Variants in GLRA2 observed in about 807,000 individuals in gnomAD.
GLRA2 encodes the protein glycine receptor subunit alpha-2.
In GLRA2, 11 loss-of-function variants were observed where a neutral mutation model predicts 31.6. The ratio of observed to expected loss-of-function variants is 0.35; its 90% CI spans 0.22 to 0.58. GLRA2 has a LOEUF of 0.58. Ranked by LOEUF, GLRA2 falls within the 20% of genes least tolerant of loss-of-function variation. GLRA2 has a pLI of 0.84. For missense variants in GLRA2, 212 were observed against 351.8 expected, an observed-to-expected ratio of 0.60 and a Z score of 3.18; for synonymous variants, 132 against 134.0, an observed-to-expected ratio of 0.99 and a Z score of 0.10.
intron 7 of GLRA2, among the ~76,000 whole-genome samples, chrX:14,651,431 G>A (rs2090888998): frequency 9.0e-6 from 1 of 111,244 alleles, no homozygotes; most frequent in African/African-American, 3.3e-5. Context: ...CACACAATGA[G>A]CTTTTTGGTC....
the GLRA2 span, among the ~76,000 whole-genome samples, chrX:14,480,933 T>C: frequency 9.0e-6 from 1 of 111,332 alleles, no homozygotes; most frequent in Non-Finnish European, 1.9e-5. Flanking sequence ...GGTAGTTTGA[T>C]AGTAATGTCT....
intron 7 of GLRA2, among the ~76,000 whole-genome samples, chrX:14,643,465 C>T (rs1465662969): frequency 3.6e-5 from 4 of 111,275 alleles, no homozygotes; most frequent in Admixed American, 9.5e-5. Flanking sequence ...GAGAAATACC[C>T]GGGGTTAGTT....
chrX:14,457,624 A>G, the GLRA2 span, among the ~76,000 whole-genome samples: 1 of 111,790 alleles, frequency 8.9e-6, no homozygotes, highest in Non-Finnish European at 1.9e-5. Flanking sequence ...GTTGGTTCCA[A>G]GTATTTGCTA....
chrX:14,611,276 C>A (rs762347790), intron 7 of GLRA2, among the ~76,000 whole-genome samples: 1 of 112,949 alleles, frequency 8.9e-6, no homozygotes, highest in South Asian at 3.6e-4. Flanking sequence ...TCAGGGCCTC[C>A]TACAATGCCC....
At chrX:14,678,769 C>T (rs974625320) in intron 7 of GLRA2, among the ~76,000 whole-genome samples, 1 of 111,510 alleles carries the variant, frequency 9.0e-6, no homozygotes, top group African/African-American at 3.3e-5. Flanking sequence ...TTATCCACTC[C>T]TATAGCTTTC....
At chrX:14,474,353 G>T in the GLRA2 span, among the ~76,000 whole-genome samples, 1 of 111,650 alleles carries the variant, frequency 9.0e-6, no homozygotes, top group Non-Finnish European at 1.9e-5. Flanking sequence ...GCCTCCAGCT[G>T]CTTTGTGTAA....
intron 7 of GLRA2, among the ~76,000 whole-genome samples, chrX:14,625,487 G>A (rs1430494619): frequency 1.8e-5 from 2 of 111,461 alleles, no homozygotes; most frequent in African/African-American, 6.5e-5. Flanking sequence ...GGCTGGTACT[G>A]GTTGTTCCTT....
chrX:14,486,207 G>T, the GLRA2 span, among the ~76,000 whole-genome samples: 1 of 110,903 alleles, frequency 9.0e-6, no homozygotes, highest in Non-Finnish European at 1.9e-5. Flanking sequence ...TACAAGAGTT[G>T]GTATGGAATT....
Position 14,691,271 on chromosome X carries a change from CTGTGTGTGTGTGTGTGTGTGTGTG to C in GLRA2, c.1080+443_1080+466del, listed in dbSNP as rs4014173. On this transcript the variant is annotated intron_variant, in intron 8 of 8. Coordinates refer to ENST00000218075, the MANE Select transcript of GLRA2 (RefSeq NM_002063.4). ...AAATCCTGGTTCTTCTAAATATTGA[CTGTGTGTGTGTGTGTGTGTGTGTG>C]TGTGTGTGTGTGTGTGTGTGTGTGT... 2.3e-4 allele frequency among the ~76,000 whole-genome samples: 20 copies of C among 85,274 alleles called. No individual in the cohort carries two copies. The South Asian group carries it at 4.1e-3, about 18-fold the overall frequency. The allele number at this position is 85,274 out of a possible 115,157, so 74.1% of individuals were successfully genotyped here.
chrX:14,532,309 T>C lies in GLRA2; in HGVS notation c.139T>C (p.Phe47Leu). 8.4e-7 allele frequency: 1 copy of C among 1,193,461 alleles called. No individual in the cohort carries two copies. The highest frequency in any genetic ancestry group is 1.8e-5 in the South Asian group (1 of 55,602). Residue 47 changes from phenylalanine (F) to leucine (L), a missense_variant, in exon 2 of 9, where the codon TTC (phenylalanine) becomes CTC (leucine). Transcript: ENST00000218075. ...TTCACAGACCCTATCTCCTTCAGATTTCTTGGACAAGTTAATGGGAAGGAC... is the reference window on the plus strand; with the variant it reads ...TTCACAGACCCTATCTCCTTCAGATCTCTTGGACAAGTTAATGGGAAGGAC... ...QPSQTLSPSDFLDKLMGRTSG... is the reference protein window; with the variant it reads ...QPSQTLSPSDLLDKLMGRTSG...
At chrX:14,488,014 A>C in the GLRA2 span, among the ~76,000 whole-genome samples, 1 of 111,319 alleles carries the variant, frequency 9.0e-6, no homozygotes, top group Non-Finnish European at 1.9e-5. Flanking sequence ...CCCTGCCCTC[A>C]TGTTCCTAAT....
chrX:14,504,382 G>C, the GLRA2 span, among the ~76,000 whole-genome samples: 1 of 111,679 alleles, frequency 9.0e-6, no homozygotes, highest in East Asian at 2.8e-4. Flanking sequence ...AAGAGCAAAA[G>C]AGACACAGAG....
intron 7 of GLRA2, among the ~76,000 whole-genome samples, chrX:14,627,452 T>A (rs1358332188): frequency 9.0e-6 from 1 of 111,657 alleles, no homozygotes; most frequent in Non-Finnish European, 1.9e-5. Context: ...CCTTCCCATT[T>A]TATAGTGACT....
At chrX:14,496,199 T>G in the GLRA2 span, among the ~76,000 whole-genome samples, 1 of 111,555 alleles carries the variant, frequency 9.0e-6, no homozygotes, top group Non-Finnish European at 1.9e-5. Context: ...GAATTCCATA[T>G]TGACATAGAG....
At chrX:14,580,414 A>G (rs1310683627) in intron 3 of GLRA2, among the ~76,000 whole-genome samples, 1 of 111,601 alleles carries the variant, frequency 9.0e-6, no homozygotes, top group African/African-American at 3.3e-5. Flanking sequence ...CAATGAACCT[A>G]AGGTCTTTGA....
chrX:14,564,834 AG>A (rs1216760359), intron 2 of GLRA2, among the ~76,000 whole-genome samples: 1 of 111,668 alleles, frequency 9.0e-6, no homozygotes, highest in African/African-American at 3.2e-5. Context: ...ATTTCTGACT[AG>A]GTTGTTATAA....
the GLRA2 span, among the ~76,000 whole-genome samples, chrX:14,457,746 C>T: frequency 1.8e-5 from 2 of 111,365 alleles, no homozygotes; most frequent in African/African-American, 6.5e-5. Flanking sequence ...AATGGTATTT[C>T]TAGTTCTAGA....
intron 2 of GLRA2, among the ~76,000 whole-genome samples, chrX:14,543,393 A>G (rs3027323): frequency 0.2 from 22,412 of 110,037 alleles, 2,256 homozygotes; most frequent in Non-Finnish European, 0.31. Flanking sequence ...GGATGCACCC[A>G]ATCTTCCTAG....
chrX:14,727,391 GA>G (rs2091940987), intron 8 of GLRA2, among the ~76,000 whole-genome samples: 2 of 112,045 alleles, frequency 1.8e-5, no homozygotes, highest in South Asian at 7.4e-4. Context: ...GCACAGAACA[GA>G]AATATCCAAA....
Sources: gnomAD v4.1 joint callset for allele counts (sites outside exome capture counted in the v4.1 genomes callset) on GRCh38, gnomAD v4.1.1 for gene constraint, MANE v1.5 for transcripts, NCBI Gene and HGNC (gene_info 2026-07-23, HGNC 2026-07-21) for gene names.